The following DHRSX variants were observed in gnomAD, a reference collection of about 807,000 sequenced individuals.
DHRSX encodes the protein dehydrogenase/reductase X-linked.
A neutral mutation model predicts 34.0 loss-of-function variants in DHRSX; 31 were observed. The ratio of observed to expected loss-of-function variants is 0.91; its 90% CI spans 0.69 to 1.23. DHRSX has a LOEUF of 1.23. Among genes scored for constraint, DHRSX ranks in the 50% most tolerant of loss-of-function variants. DHRSX has a pLI of 0.00. For missense variants in DHRSX, 414 were observed against 428.1 expected, an observed-to-expected ratio of 0.97 and a Z score of 0.29; for synonymous variants, 201 against 183.8, an observed-to-expected ratio of 1.09 and a Z score of -0.76.
chrX:2,248,128 C>T (rs62595485), intron 5 of DHRSX, among the ~76,000 whole-genome samples: 108,037 of 151,834 alleles, frequency 0.71, 39,772 homozygotes, highest in African/African-American at 0.81. Context: ...GGAAACATCA[C>T]CTCTACTGAA....
intron 3 of DHRSX, among the ~76,000 whole-genome samples, chrX:2,385,065 T>C (rs1205470465): frequency 1.3e-5 from 2 of 151,864 alleles, no homozygotes; most frequent in South Asian, 2.1e-4. Flanking sequence ...ATTGTGCCAC[T>C]GCACTCCAGC....
chrX:2,249,191 C>CTTTTTTT (rs541852639), intron 5 of DHRSX, among the ~76,000 whole-genome samples: 2 of 118,888 alleles, frequency 1.7e-5, no homozygotes, highest in Non-Finnish European at 3.3e-5. Flanking sequence ...AATCATAAAT[C>CTTTTTTT]TTTTTTTTTT....
chrX:2,383,411 T>TCATCAC (rs1474660184), intron 3 of DHRSX, among the ~76,000 whole-genome samples: 3 of 151,794 alleles, frequency 2.0e-5, no homozygotes, highest in African/African-American at 7.3e-5. Context: ...ACCATCATCA[T>TCATCAC]CATCATCACC....
chrX:2,489,275 A>G (rs1287173457), intron 1 of DHRSX: 1 of 1,613,962 alleles, frequency 6.2e-7, no homozygotes, highest in Non-Finnish European at 8.5e-7. Flanking sequence ...GAGGAAGGGC[A>G]GCCTCTTGTA....
intron 6 of DHRSX, among the ~76,000 whole-genome samples, chrX:2,235,125 C>T (rs1193706493): frequency 4.6e-5 from 7 of 152,302 alleles, no homozygotes; most frequent in Middle Eastern, 3.4e-3. Context: ...TTAATGGAAA[C>T]AGAGCTTCAG....
At chrX:2,483,846 G>A (rs2124061577) in intron 1 of DHRSX, among the ~76,000 whole-genome samples, 1 of 151,020 alleles carries the variant, frequency 6.6e-6, no homozygotes, top group South Asian at 2.1e-4. Flanking sequence ...TTTTTGGAAG[G>A]CCCACTCACC....
intron 4 of DHRSX, among the ~76,000 whole-genome samples, chrX:2,270,893 ATAAAATGGACCAATCAGCACTCTG>A (rs1199518102): frequency 0.013 from 1,426 of 112,774 alleles, 23 homozygotes; most frequent in African/African-American, 0.029. Flanking sequence ...TCAATGCTCT[ATAAAATGGACCAATCAGCACTCTG>A]TAAAATGGAC....
chrX:2,241,679 C>T (rs188864477), intron 6 of DHRSX, among the ~76,000 whole-genome samples: 2,312 of 152,162 alleles, frequency 0.015, 58 homozygotes, highest in African/African-American at 0.053. Flanking sequence ...GAGCCCGAGG[C>T]GGGTGGATCA....
intron 6 of DHRSX, among the ~76,000 whole-genome samples, chrX:2,227,368 G>A (rs73626160): frequency 1.7e-4 from 24 of 143,162 alleles, no homozygotes; most frequent in African/African-American, 6.8e-4. Context: ...GAAGAAGAAA[G>A]GAGGAAATAG....
chrX:2,362,576 G>A (rs138590377), intron 3 of DHRSX, among the ~76,000 whole-genome samples: 19 of 152,296 alleles, frequency 1.2e-4, no homozygotes, highest in African/African-American at 2.2e-4. Context: ...TAGGATTGCC[G>A]GCATAAGCCA....
At chrX:2,249,144 G>T (rs2016372850) in intron 5 of DHRSX, among the ~76,000 whole-genome samples, 1 of 151,658 alleles carries the variant, frequency 6.6e-6, no homozygotes, top group Non-Finnish European at 1.5e-5. Context: ...CACATCTTTT[G>T]GGAGAGCAAC....
rs755113241 is a variant in DHRSX, at chrX:2,286,994, T to C, written c.388+4508A>G. 2.2e-4 allele frequency among the ~76,000 whole-genome samples: 34 copies of C among 152,346 alleles called. No homozygotes were observed. The East Asian group carries it at 6.4e-3, about 28-fold the overall frequency. ...TTGGGGTGCAATCTTCTCTGTACTTTACAAGACTGTGTTGTCACATTGCAA... is the reference window on the plus strand; with the variant it reads ...TTGGGGTGCAATCTTCTCTGTACTTCACAAGACTGTGTTGTCACATTGCAA... On this transcript the variant is annotated intron_variant, in intron 4 of 6. Transcript: ENST00000334651.
At chrX:2,426,427 C>T in intron 1 of DHRSX, among the ~76,000 whole-genome samples, 1 of 147,494 alleles carries the variant, frequency 6.8e-6, no homozygotes, top group Admixed American at 6.9e-5. Context: ...TCATTCCTTC[C>T]TTCCTTCATT....
rs1268924330 is a variant in DHRSX at position 2,243,131 on chromosome X, G to A, written c.696C>T (p.His232=). 9.3e-6 allele frequency: 15 copies of A among 1,613,792 alleles called. No individual in the cohort carries two copies. Among genetic ancestry groups the A allele is most frequent in the Non-Finnish European group, 1.2e-5 (14 of 1,179,864 alleles). The change falls in exon 6 of 7, where the codon CAC becomes CAT. Residue 232 remains histidine, a synonymous_variant. Transcript: ENST00000334651. ...CGGGGTCCACCACGTTGGCGGTCAC[G>A]TGGCTTCCCTCAGCCGCCAGCAGCC... ...LQRLLAAEGS[H]VTANVVDPGV... is the part of the protein sequence containing the mutation.
intron 3 of DHRSX, among the ~76,000 whole-genome samples, chrX:2,341,060 G>T (rs1001102346): frequency 2.0e-5 from 3 of 151,988 alleles, no homozygotes; most frequent in African/African-American, 7.2e-5. Context: ...AATGGCTGCC[G>T]CTCTCTCTCC....
intron 3 of DHRSX, among the ~76,000 whole-genome samples, chrX:2,308,554 T>G (rs1473110565): frequency 1.3e-5 from 2 of 152,162 alleles, no homozygotes; most frequent in Non-Finnish European, 2.9e-5. Flanking sequence ...TATGAAGGCA[T>G]GGTTTGGATC....
chrX:2,346,473 G>A (rs1048806196), intron 3 of DHRSX, among the ~76,000 whole-genome samples: 2 of 151,814 alleles, frequency 1.3e-5, no homozygotes, highest in Non-Finnish European at 2.9e-5. Flanking sequence ...CTCCCACAAG[G>A]CGCCTTGAAG....
In DHRSX at chrX:2,220,367, A is replaced by G. The variant is rs2015495226; in HGVS notation, c.*674T>C. ...CAAAGATTCTTTTCCAAATAAAGTA[A>G]TATTTATAGGTTCTGAGGGTTAGGG... On this transcript the variant is annotated 3_prime_UTR_variant, in exon 7 of 7. Coordinates refer to ENST00000334651, the MANE Select transcript of DHRSX (RefSeq NM_145177.3). 1 of 152,190 alleles carries G rather than the reference A, an allele frequency of 6.6e-6. No individual in the cohort carries two copies. The highest frequency in any genetic ancestry group is 6.5e-5 in the Admixed American group (1 of 15,270). 9.4% of individuals were successfully genotyped at this position (152,190 alleles called of 1,614,324 possible). A position where few individuals can be genotyped will look rare whatever the true frequency, so the allele number is the denominator to read the frequency against.
intron 4 of DHRSX, among the ~76,000 whole-genome samples, chrX:2,270,301 C>G (rs1363583139): frequency 6.6e-6 from 1 of 152,098 alleles, no homozygotes; most frequent in Non-Finnish European, 1.5e-5. Flanking sequence ...CAAGCAGGAG[C>G]CACGTGGCCT....
Sources: gnomAD v4.1 joint callset for allele counts (sites outside exome capture counted in the v4.1 genomes callset) on GRCh38, gnomAD v4.1.1 for gene constraint, MANE v1.5 for transcripts, NCBI Gene and HGNC (gene_info 2026-07-23, HGNC 2026-07-21) for gene names.